The following ZC4H2 variants were observed in gnomAD, a reference collection of about 807,000 sequenced individuals.
ZC4H2 encodes the protein zinc finger C4H2 domain-containing protein.
For missense variants in ZC4H2, 137 were observed against 173.9 expected, an observed-to-expected ratio of 0.79 and a Z score of 1.19; for synonymous variants, 84 against 66.3, an observed-to-expected ratio of 1.27 and a Z score of -1.30.
intron 1 of ZC4H2, among the ~76,000 whole-genome samples, chrX:64,976,095 G>A (rs1341455265): frequency 9.0e-6 from 1 of 111,180 alleles, no homozygotes; most frequent in Admixed American, 9.5e-5. Context: ...AACTGTCTTG[G>A]TACCAAACCC....
chrX:64,918,152 G>A (rs764301766), intron 4 of ZC4H2: 74 of 274,053 alleles, frequency 2.7e-4, no homozygotes, highest in African/African-American at 1.4e-3. Context: ...ACATCTTTTC[G>A]TCATTATAAT....
chrX:64,937,094 G>GA (rs58864488), intron 1 of ZC4H2, among the ~76,000 whole-genome samples: 79 of 97,159 alleles, frequency 8.1e-4, no homozygotes, highest in East Asian at 2.0e-3. Flanking sequence ...CAAATGGAAA[G>GA]AAAAAAAAAA....
At chrX:64,928,945 G>C (rs1287624829) in intron 1 of ZC4H2, among the ~76,000 whole-genome samples, 1 of 100,581 alleles carries the variant, frequency 9.9e-6, no homozygotes, top group East Asian at 3.1e-4. Flanking sequence ...CTGAGGTACA[G>C]TGACATGATC....
chrX:64,945,535 C>A (rs1013584624), intron 1 of ZC4H2, among the ~76,000 whole-genome samples: 1 of 111,814 alleles, frequency 8.9e-6, no homozygotes, highest in Admixed American at 9.4e-5. Flanking sequence ...TGGGAGGTGT[C>A]TCCCAGTCAG....
intron 1 of ZC4H2, among the ~76,000 whole-genome samples, chrX:64,962,371 T>C (rs946851543): frequency 9.0e-6 from 1 of 111,300 alleles, no homozygotes; most frequent in Middle Eastern, 4.2e-3. Flanking sequence ...CCTTTCCTGA[T>C]AGAAACTCTC....
intron 1 of ZC4H2, among the ~76,000 whole-genome samples, chrX:64,948,493 T>C: frequency 8.9e-6 from 1 of 111,882 alleles, no homozygotes; most frequent in Non-Finnish European, 1.9e-5. Context: ...AAAGCCAATA[T>C]TTTAGGTACA....
chrX:65,012,243 A>AAG (rs1344386556), intron 1 of ZC4H2, among the ~76,000 whole-genome samples: 7 of 99,760 alleles, frequency 7.0e-5, no homozygotes, highest in African/African-American at 2.1e-4. Flanking sequence ...AAAAAAAAAA[A>AAG]AAAGAAAGAA....
At chrX:64,977,360 A>C (rs1931981630), upstream of ZC4H2, among the ~76,000 whole-genome samples, 3 of 111,673 alleles carry the variant, frequency 2.7e-5, no homozygotes, top group Admixed American at 1.9e-4. Flanking sequence ...TATGAGGTGT[A>C]GAGGTGGAAA....
At chrX:64,979,892 T>C (rs1310006593), upstream of ZC4H2, among the ~76,000 whole-genome samples, 3 of 111,737 alleles carry the variant, frequency 2.7e-5, no homozygotes, top group Non-Finnish European at 5.6e-5. Context: ...TTGGGGTTAA[T>C]ACCATTAAAA....
At chrX:64,941,817 T>A (rs1226629427) in intron 1 of ZC4H2, among the ~76,000 whole-genome samples, 1 of 112,106 alleles carries the variant, frequency 8.9e-6, no homozygotes, top group Non-Finnish European at 1.9e-5. Context: ...TTGATGTTAA[T>A]CAGCAATATT....
chrX:64,944,972 T>C (rs1569210516), intron 1 of ZC4H2, among the ~76,000 whole-genome samples: 4 of 112,523 alleles, frequency 3.6e-5, no homozygotes, highest in African/African-American at 1.3e-4. Flanking sequence ...TAGTTAGCAG[T>C]TCTTGTCAAC....
intron 1 of ZC4H2, among the ~76,000 whole-genome samples, chrX:65,013,241 T>G (rs1932775368): frequency 8.9e-6 from 1 of 111,882 alleles, no homozygotes; most frequent in South Asian, 3.8e-4. Context: ...TGAGGAGGGT[T>G]GCCTTGTTGG....
chrX:64,946,962 T>C (rs2147382615), intron 1 of ZC4H2, among the ~76,000 whole-genome samples: 1 of 111,787 alleles, frequency 8.9e-6, no homozygotes, highest in Non-Finnish European at 1.9e-5. Flanking sequence ...ATCTCTTCTG[T>C]TATAATGTAA....
At chrX:65,028,131 T>C (rs1188059288) in intron 1 of ZC4H2, among the ~76,000 whole-genome samples, 2 of 111,827 alleles carry the variant, frequency 1.8e-5, no homozygotes, top group East Asian at 2.8e-4. Context: ...TCTATGTATA[T>C]ATATTGATAT....
intron 1 of ZC4H2, among the ~76,000 whole-genome samples, chrX:64,946,836 T>C (rs1930558523): frequency 9.0e-6 from 1 of 111,690 alleles, no homozygotes; most frequent in East Asian, 2.8e-4. Context: ...CTAGTCTCAA[T>C]TTCATTGATT....
intron 1 of ZC4H2, among the ~76,000 whole-genome samples, chrX:64,990,703 C>T (rs942723166): frequency 1.8e-5 from 2 of 111,677 alleles, no homozygotes; most frequent in African/African-American, 3.3e-5. Context: ...AGCCCTGTTC[C>T]TTCTCTTTCT....
Position 65,028,667 on chromosome X carries a change from G to T in ZC4H2, c.-272+5962C>A, listed in dbSNP as rs756736050. Among the ~76,000 whole-genome samples, 154 of 110,583 alleles carry T rather than the reference G, an allele frequency of 1.4e-3. 1 individual carries two copies. The highest frequency in any genetic ancestry group is 4.9e-3 in the African/African-American group (150 of 30,343). ...AGGCCTCAGCCTCCTGAATAGTTGG[G>T]ACCACAGACGTGAGCCACTATGCCT... On this transcript the variant is annotated intron_variant, in intron 1 of 4. Coordinates refer to the ZC4H2 transcript ENST00000337990.
chrX:64,989,235 G>GT (rs1218244472), intron 1 of ZC4H2, among the ~76,000 whole-genome samples: 33 of 111,972 alleles, frequency 2.9e-4, no homozygotes, highest in African/African-American at 9.4e-4. Context: ...CTTTAAAGTA[G>GT]TTTTTTCCAA....
chrX:64,925,045 G>A (rs904755358), intron 1 of ZC4H2, among the ~76,000 whole-genome samples: 2 of 111,327 alleles, frequency 1.8e-5, no homozygotes, highest in African/African-American at 6.5e-5. Context: ...AGGATTAAAT[G>A]AGCTAAGACA....
Sources: allele counts gnomAD v4.1 joint callset (sites outside exome capture counted in the v4.1 genomes callset), GRCh38; gene constraint gnomAD v4.1.1; transcripts MANE v1.5; gene names NCBI Gene and HGNC (gene_info 2026-07-23, HGNC 2026-07-21).